CDH4: variants seen among roughly 807,000 people sequenced by gnomAD.
The protein encoded by CDH4 is cadherin-4.
CDH4 carries 33 observed loss-of-function variants against 86.0 expected under a neutral mutation model. That is an observed-to-expected ratio of 0.38 (90% CI 0.29 to 0.51). The LOEUF is 0.51. Ranked by LOEUF, CDH4 falls within the 20% of genes least tolerant of loss-of-function variation. The pLI, the probability that CDH4 is intolerant of heterozygous loss-of-function variation, is 0.86. For synonymous variants in CDH4, 555 were observed against 549.4 expected, an observed-to-expected ratio of 1.01 and a Z score of -0.14; for missense variants, 1,114 against 1,307.4, an observed-to-expected ratio of 0.85 and a Z score of 2.28.
At chr20:61,900,068 G>A (rs1202199307) in intron 8 of CDH4, among the ~76,000 whole-genome samples, 1 of 152,126 alleles carries the variant, frequency 6.6e-6, no homozygotes, top group Non-Finnish European at 1.5e-5. Context: ...AAGAAGGGCA[G>A]CCCCAGCTCT....
intron 9 of CDH4, among the ~76,000 whole-genome samples, chr20:61,917,175 A>G (rs1301174659): frequency 6.6e-6 from 1 of 152,170 alleles, no homozygotes; most frequent in Non-Finnish European, 1.5e-5. Context: ...TAGCCATACC[A>G]GCCGGGGATG....
At chr20:61,775,416 C>T (rs1195357007) in intron 4 of CDH4, among the ~76,000 whole-genome samples, 1 of 152,090 alleles carries the variant, frequency 6.6e-6, no homozygotes, top group Non-Finnish European at 1.5e-5. Context: ...AGTCATCGAT[C>T]TTACTCTGGG....
At chr20:61,861,666 G>A (rs369218479) in intron 6 of CDH4, among the ~76,000 whole-genome samples, 14 of 152,062 alleles carry the variant, frequency 9.2e-5, no homozygotes, top group African/African-American at 2.2e-4. Context: ...GCGTCGGGCC[G>A]AGGCCTGTGT....
chr20:61,329,482 G>GGATT (rs2084559410), intron 2 of CDH4, among the ~76,000 whole-genome samples: 1 of 113,720 alleles, frequency 8.8e-6, no homozygotes, highest in East Asian at 2.6e-4. Flanking sequence ...GGCTGTGAGT[G>GGATT]GCTCTTCTGC....
At chr20:61,725,049 T>C (rs2088093833) in intron 2 of CDH4, among the ~76,000 whole-genome samples, 1 of 152,138 alleles carries the variant, frequency 6.6e-6, no homozygotes, top group African/African-American at 2.4e-5. Context: ...GAGTTCAAGA[T>C]GGTACTGAGC....
intron 2 of CDH4, among the ~76,000 whole-genome samples, chr20:61,680,128 T>C (rs1020101689): frequency 1.3e-5 from 2 of 152,134 alleles, no homozygotes; most frequent in Non-Finnish European, 2.9e-5. Flanking sequence ...ACAGACGCCA[T>C]CTTTAAGCAC....
chr20:61,786,488 G>C (rs1008943616), intron 4 of CDH4, among the ~76,000 whole-genome samples: 1 of 152,108 alleles, frequency 6.6e-6, no homozygotes, highest in African/African-American at 2.4e-5. Context: ...TTAATTGCTC[G>C]TGTGAAAGGA....
chr20:61,886,641 G>A (rs946157753), intron 7 of CDH4, among the ~76,000 whole-genome samples: 2 of 152,194 alleles, frequency 1.3e-5, no homozygotes, highest in Non-Finnish European at 2.9e-5. Flanking sequence ...GAGAGAGGAC[G>A]CTGGGACGCT....
At chr20:61,677,765 G>A (rs1423725333) in intron 2 of CDH4, among the ~76,000 whole-genome samples, 1 of 88,412 alleles carries the variant, frequency 1.1e-5, no homozygotes, top group African/African-American at 5.1e-5. Flanking sequence ...GTGGATGGAT[G>A]GTTAGATAGA....
chr20:61,415,521 C>T (rs1297678288), intron 2 of CDH4, among the ~76,000 whole-genome samples: 7 of 152,102 alleles, frequency 4.6e-5, no homozygotes, highest in African/African-American at 1.4e-4. Flanking sequence ...CCATTAAACA[C>T]GCACTCCCAG....
intron 7 of CDH4, among the ~76,000 whole-genome samples, chr20:61,876,873 T>C (rs998534942): frequency 2.6e-5 from 4 of 152,164 alleles, no homozygotes; most frequent in Non-Finnish European, 5.9e-5. Flanking sequence ...TTGTAGTTTA[T>C]ATTGTAGGAA....
rs2145657198 is a variant in CDH4, at chr20:61,542,209, C to G, written c.170-201354C>G. ...GTTAATTCAGCAAAACCCACCCCAT[C>G]CTGACTGATAGAGGCTGCTTCCGAT... On this transcript the variant is annotated intron_variant, in intron 2 of 15. Transcript: ENST00000614565. Among the ~76,000 whole-genome samples, 2 of 152,288 alleles carry G rather than the reference C, an allele frequency of 1.3e-5. 1 individual carries two copies. Among genetic ancestry groups the G allele is most frequent in the Middle Eastern group, 6.8e-3 (2 of 294 alleles).
Position 61,910,407 on chromosome 20 carries a change from C to A in CDH4, c.1189-15C>A. On this transcript the variant is annotated splice_polypyrimidine_tract_variant and intron_variant, in intron 8 of 15. Transcript: ENST00000614565. ...TTAACACGGGTTTGTGACATTCTTT[C>A]CTTCCATTTTGCAGTTTGCAGGGGA... 6.2e-7 allele frequency: 1 copy of A among 1,609,422 alleles called. No homozygotes were observed. The highest frequency in any genetic ancestry group is 8.5e-7 in the Non-Finnish European group (1 of 1,176,222).
At chr20:61,270,781 G>A (rs1339648244) in intron 2 of CDH4, among the ~76,000 whole-genome samples, 1 of 152,178 alleles carries the variant, frequency 6.6e-6, no homozygotes, top group African/African-American at 2.4e-5. Context: ...GGGGTAGTGT[G>A]AGCTTCAAGT....
At chr20:61,495,340 C>A (rs570049966) in intron 2 of CDH4, among the ~76,000 whole-genome samples, 2 of 152,168 alleles carry the variant, frequency 1.3e-5, no homozygotes, top group African/African-American at 4.8e-5. Context: ...AGCCTACGAA[C>A]CCCCAGGAGG....
Position 61,703,461 on chromosome 20 carries a change from T to C in CDH4, c.170-40102T>C, listed in dbSNP as rs2087797355. Reference sequence around the variant, plus strand: ...TGGCTGGGATATGGGCGGCCTTGCATTTGCAGAGTATTTAACCTAATATTG... The same window carrying C: ...TGGCTGGGATATGGGCGGCCTTGCACTTGCAGAGTATTTAACCTAATATTG... On this transcript the variant is annotated intron_variant, in intron 2 of 15. Coordinates refer to ENST00000614565, the MANE Select transcript of CDH4 (RefSeq NM_001794.5). This position sits in a 1 kb window ranked among gnomAD's most constrained non-coding sequence, Gnocchi z 4.3. Among the ~76,000 whole-genome samples the C allele has an allele frequency of 6.6e-6, 1 of 152,146 alleles. No individual in the cohort carries two copies. The highest frequency in any genetic ancestry group is 2.4e-5 in the African/African-American group (1 of 41,418).
chr20:61,551,115 T>G (rs1049969327), intron 2 of CDH4, among the ~76,000 whole-genome samples: 3 of 152,176 alleles, frequency 2.0e-5, no homozygotes, highest in Non-Finnish European at 4.4e-5. Context: ...TCGATAAAGG[T>G]GTAATGAAAG....
At chr20:61,513,131 G>GCA (rs2085792567) in intron 2 of CDH4, among the ~76,000 whole-genome samples, 1 of 152,118 alleles carries the variant, frequency 6.6e-6, no homozygotes, top group Non-Finnish European at 1.5e-5. Context: ...CCCTTTCCAG[G>GCA]CACACACAGC....
intron 2 of CDH4, among the ~76,000 whole-genome samples, chr20:61,629,170 C>T (rs1020345726): frequency 1.3e-5 from 2 of 152,298 alleles, no homozygotes; most frequent in Non-Finnish European, 2.9e-5. Flanking sequence ...GGAGGAGGCA[C>T]GTGCTTGTCT....
Sources: allele counts gnomAD v4.1 joint callset (sites outside exome capture counted in the v4.1 genomes callset), GRCh38; gene constraint gnomAD v4.1.1; non-coding constraint Gnocchi (gnomAD v3.1); transcripts MANE v1.5; gene names NCBI Gene and HGNC (gene_info 2026-07-23, HGNC 2026-07-21).